ZDHHC11B: variants seen among roughly 807,000 people sequenced by gnomAD.
ZDHHC11B encodes the protein probable palmitoyltransferase ZDHHC11B.
A neutral mutation model predicts 42.3 loss-of-function variants in ZDHHC11B; 17 were observed. That is an observed-to-expected ratio of 0.40 (90% confidence interval 0.27 to 0.60). The LOEUF (loss-of-function observed/expected upper bound fraction) is 0.60. ZDHHC11B is among the 20% of genes least tolerant of loss of function. ZDHHC11B has a pLI of 0.41. For missense variants in ZDHHC11B, 262 were observed against 463.2 expected, an observed-to-expected ratio of 0.57 and a Z score of 3.99; for synonymous variants, 123 against 193.5, an observed-to-expected ratio of 0.64 and a Z score of 3.02.
chr5:715,847 A>G lies in ZDHHC11B; in HGVS notation c.*7+954T>C, dbSNP rs187048121. Among the ~76,000 whole-genome samples, 583 of 151,598 alleles carry G rather than the reference A, an allele frequency of 3.8e-3. 2 individuals carry two copies. The highest frequency in any genetic ancestry group is 6.9e-3 in the Non-Finnish European group (467 of 67,922). ...CTGCTGGGAGACCTTGACATTCCTCAGGGCTCTATGGCACCCAGACGGCTG... is the reference window on the plus strand; with the variant it reads ...CTGCTGGGAGACCTTGACATTCCTCGGGGCTCTATGGCACCCAGACGGCTG... On this transcript the variant is annotated intron_variant, in intron 13 of 13. Coordinates refer to ENST00000508859, the MANE Select transcript of ZDHHC11B (RefSeq NM_001351303.2).
At chr5:764,187 A>G (rs1734980217) in intron 4 of ZDHHC11B, among the ~76,000 whole-genome samples, 1 of 151,952 alleles carries the variant, frequency 6.6e-6, no homozygotes, top group Non-Finnish European at 1.5e-5. Context: ...GCCCAGCCCA[A>G]GGACCACGCA....
chr5:753,979 G>A (rs1019890736), intron 6 of ZDHHC11B, among the ~76,000 whole-genome samples: 3 of 141,434 alleles, frequency 2.1e-5, no homozygotes, highest in African/African-American at 5.0e-5. Flanking sequence ...TCAGCACACG[G>A]GGCCTTGAGA....
At chr5:752,445 C>T (rs4045363) in intron 6 of ZDHHC11B, among the ~76,000 whole-genome samples, 17,663 of 68,178 alleles carry the variant, frequency 0.26, 2,385 homozygotes, top group Middle Eastern at 0.37. Flanking sequence ...TCCTGGAACA[C>T]ACTTTGACTA....
intron 12 of ZDHHC11B, among the ~76,000 whole-genome samples, chr5:724,371 ATTTTTTTTTTTT>A (rs386402805): frequency 1.2e-5 from 1 of 81,420 alleles, no homozygotes; most frequent in African/African-American, 4.6e-5. Flanking sequence ...AACCCAGCTA[ATTTTTTTTTTTT>A]TTTTTTTTTT....
intron 12 of ZDHHC11B, among the ~76,000 whole-genome samples, chr5:726,166 C>G (rs993639286): frequency 6.6e-6 from 1 of 150,416 alleles, no homozygotes; most frequent in Non-Finnish European, 1.5e-5. Context: ...TCCCACAAAA[C>G]AGACCTGTGA....
At chr5:780,787 G>A (rs1454564434) in intron 1 of ZDHHC11B, among the ~76,000 whole-genome samples, 4 of 151,934 alleles carry the variant, frequency 2.6e-5, no homozygotes, top group African/African-American at 7.2e-5. Flanking sequence ...CTCTGTCCAT[G>A]GCCCAGGCTC....
chr5:751,067 G>T, intron 7 of ZDHHC11B, 66 bp downstream of exon 7: 1 of 858,890 alleles, frequency 1.2e-6, no homozygotes, highest in Non-Finnish European at 1.6e-6. Context: ...CCCCAGACCC[G>T]ATACTACCGC....
At chr5:749,158 T>C (rs1239078172) in intron 7 of ZDHHC11B, among the ~76,000 whole-genome samples, 1 of 125,916 alleles carries the variant, frequency 7.9e-6, no homozygotes, top group African/African-American at 2.7e-5. Flanking sequence ...AGTCCCAGCA[T>C]CCATCCCTTC....
intron 1 of ZDHHC11B, among the ~76,000 whole-genome samples, chr5:774,671 C>G (rs1736324239): frequency 6.7e-6 from 1 of 149,758 alleles, no homozygotes; most frequent in Admixed American, 6.7e-5. Flanking sequence ...CCCCTTGGGC[C>G]TGGAGCCTGT....
intron 9 of ZDHHC11B, among the ~76,000 whole-genome samples, chr5:742,041 T>C (rs1389972235): frequency 1.5e-5 from 2 of 134,846 alleles, no homozygotes; most frequent in African/African-American, 5.4e-5. Flanking sequence ...AGCTGCCTGA[T>C]GTAGAATGAT....
At chr5:777,379 G>T (rs1736600661) in intron 1 of ZDHHC11B, among the ~76,000 whole-genome samples, 1 of 151,832 alleles carries the variant, frequency 6.6e-6, no homozygotes, top group Admixed American at 6.6e-5. Flanking sequence ...TCCCTCCGGT[G>T]GGCTCGTGGT....
chr5:777,869 G>A lies in ZDHHC11B; in HGVS notation c.-230+6799C>T, dbSNP rs541296405. On this transcript the variant is annotated intron_variant, in intron 1 of 13. Coordinates refer to ENST00000508859, the MANE Select transcript of ZDHHC11B (RefSeq NM_001351303.2). ...GCGGTCCATGGGACCCGGCGGGGGC[G>A]GCGCCCTTCCGGGAGGCCCCAGCAC... 4.2e-3 allele frequency among the ~76,000 whole-genome samples: 641 copies of A among 151,692 alleles called. 1 individual carries two copies. Among genetic ancestry groups the A allele is most frequent in the Non-Finnish European group, 7.0e-3 (474 of 67,772 alleles).
chr5:753,895 C>T (rs1746133028), intron 6 of ZDHHC11B, among the ~76,000 whole-genome samples: 1 of 145,946 alleles, frequency 6.9e-6, no homozygotes, highest in African/African-American at 2.5e-5. Flanking sequence ...CAGGTCAGCA[C>T]AGAGTAGCTG....
chr5:742,305 G>A (rs397745), intron 9 of ZDHHC11B, among the ~76,000 whole-genome samples: 107,854 of 141,476 alleles, frequency 0.76, 40,804 homozygotes, highest in Middle Eastern at 0.86. Flanking sequence ...TGAAAAACTG[G>A]GTTTTCTGTT....
At chr5:718,720 GA>G (rs1741963800) in intron 12 of ZDHHC11B, among the ~76,000 whole-genome samples, 1 of 148,058 alleles carries the variant, frequency 6.8e-6, no homozygotes, top group South Asian at 2.2e-4. Flanking sequence ...AAAGGAAAAA[GA>G]AAAAGAAAGG....
intron 9 of ZDHHC11B, among the ~76,000 whole-genome samples, chr5:744,683 T>G (rs1479045926): frequency 2.7e-5 from 4 of 148,348 alleles, no homozygotes; most frequent in Non-Finnish European, 5.9e-5. Flanking sequence ...GAGACCAGCC[T>G]GGCATGTCAA....
At chr5:724,959 T>C (rs1742464246) in intron 12 of ZDHHC11B, among the ~76,000 whole-genome samples, 1 of 146,382 alleles carries the variant, frequency 6.8e-6, no homozygotes, top group Non-Finnish European at 1.5e-5. Flanking sequence ...CACACGGCAC[T>C]TCTGGGCCTT....
intron 4 of ZDHHC11B, among the ~76,000 whole-genome samples, chr5:759,196 C>T (rs1734246821): frequency 6.6e-6 from 1 of 151,886 alleles, no homozygotes; most frequent in African/African-American, 2.4e-5. Flanking sequence ...CTGGAACCTC[C>T]CCTAGCAACA....
At chr5:753,086 C>T (rs1439664168) in intron 6 of ZDHHC11B, among the ~76,000 whole-genome samples, 1 of 128,742 alleles carries the variant, frequency 7.8e-6, no homozygotes, top group East Asian at 2.9e-4. Context: ...GAGGCCAGCG[C>T]TCGCAGTCTT....
Sources: allele counts gnomAD v4.1 joint callset (sites outside exome capture counted in the v4.1 genomes callset), GRCh38; gene constraint gnomAD v4.1.1; transcripts MANE v1.5; gene names NCBI Gene and HGNC (gene_info 2026-07-23, HGNC 2026-07-21).